The following DCAF5 variants were observed in gnomAD, a reference collection of about 807,000 sequenced individuals.
DCAF5 encodes the protein DDB1 and CUL4 associated factor 5.
Under a neutral mutation model 80.7 loss-of-function variants are expected in DCAF5, and 9 were observed. The observed-to-expected ratio is 0.11, with a 90% CI of 0.07 to 0.19. The LOEUF is 0.19. Ranked by LOEUF, DCAF5 falls within the 10% of genes least tolerant of loss-of-function variation. The pLI is 1.00. For synonymous variants in DCAF5, 433 were observed against 461.9 expected (o/e 0.94, Z 0.80); for missense variants, 842 against 1,205.7 (o/e 0.70, Z 4.47).
At chr14:69,139,230 T>C (rs1385027902) in intron 1 of DCAF5, among the ~76,000 whole-genome samples, 1 of 151,740 alleles carries the variant, frequency 6.6e-6, no homozygotes, top group Non-Finnish European at 1.5e-5. Context: ...TTCACACTTG[T>C]AATCCCAACA....
intron 5 of DCAF5, among the ~76,000 whole-genome samples, chr14:69,113,933 T>C (rs2040455838): frequency 6.6e-6 from 1 of 152,204 alleles, no homozygotes; most frequent in Non-Finnish European, 1.5e-5. Flanking sequence ...AAATTAGTCA[T>C]GATTGTCAAT....
chr14:69,132,255 A>G (rs181978601), intron 1 of DCAF5, among the ~76,000 whole-genome samples: 21 of 152,198 alleles, frequency 1.4e-4, no homozygotes, highest in African/African-American at 5.1e-4. Flanking sequence ...TTATATTCTC[A>G]CCAACAACGT....
intron 5 of DCAF5, among the ~76,000 whole-genome samples, chr14:69,105,920 T>C (rs1445409495): frequency 1.4e-5 from 1 of 72,746 alleles, no homozygotes; most frequent in African/African-American, 6.3e-5. Context: ...CTGTCATATA[T>C]ATATATATAT....
chr14:69,090,473 T>C (rs2039492027), intron 6 of DCAF5: 3 of 152,330 alleles, frequency 2.0e-5, no homozygotes, highest in Non-Finnish European at 4.4e-5. Context: ...TTTGGATATA[T>C]AGTCTCTATT....
At chr14:69,079,775 G>C (rs1384911543) in intron 6 of DCAF5, among the ~76,000 whole-genome samples, 2 of 151,982 alleles carry the variant, frequency 1.3e-5, no homozygotes, top group Non-Finnish European at 1.5e-5. Flanking sequence ...CCATTAATGG[G>C]AAGAGGAAAA....
In DCAF5 at chr14:69,117,163, G is replaced by A. The variant is rs746100205; in HGVS notation, c.536-668C>T. 7.2e-5 allele frequency among the ~76,000 whole-genome samples: 11 copies of A among 152,262 alleles called. No homozygotes were observed. In the East Asian group the frequency reaches 9.6e-4, roughly 13 times the overall value. ...AGTAATACAAAGAAAGCACTTCTCA[G>A]TCTATGACCTCCATATGCAGTATTT... On this transcript the variant is annotated intron_variant, in intron 4 of 8. Transcript: ENST00000341516.
chr14:69,054,906 T>C lies in DCAF5; in HGVS notation c.1780A>G (p.Thr594Ala), dbSNP rs1287640216. Reference sequence around the variant, plus strand: ...GGGGCACTGGGCTTGTCTTCTCGGGTTGTCTTCTGTCGGCGCCGCATGGCA... The same window carrying C: ...GGGGCACTGGGCTTGTCTTCTCGGGCTGTCTTCTGTCGGCGCCGCATGGCA... Reference protein sequence around the residue: ...RNAMRRRQKTTREDKPSAPIK... With the variant: ...RNAMRRRQKTAREDKPSAPIK... Residue 594 changes from threonine (T) to alanine (A), a missense_variant, in exon 9 of 9, where the codon ACC becomes GCC. By Grantham distance (58) the Thr-to-Ala change is moderately conservative. This residue lies in a region of DCAF5 where 607 missense variants were observed against 656.6 expected (regional missense o/e 0.92). Transcript: ENST00000341516. 1 of 1,614,128 alleles carries C rather than the reference T, an allele frequency of 6.2e-7. No individual in the cohort carries two copies. The highest frequency in any genetic ancestry group is 8.5e-7 in the Non-Finnish European group (1 of 1,180,012).
intron 5 of DCAF5, among the ~76,000 whole-genome samples, chr14:69,099,723 G>A (rs553458669): frequency 6.6e-6 from 1 of 152,176 alleles, no homozygotes; most frequent in African/African-American, 2.4e-5. Flanking sequence ...CAAGAGAATT[G>A]CTTGAGCTTA....
At chr14:69,128,723 G>A (rs1396982402) in intron 1 of DCAF5, among the ~76,000 whole-genome samples, 1 of 152,012 alleles carries the variant, frequency 6.6e-6, no homozygotes, top group Non-Finnish European at 1.5e-5. Context: ...AGCAGAGATC[G>A]TGCCACAGCA....
chr14:69,081,071 T>G (rs1357950547), intron 6 of DCAF5, among the ~76,000 whole-genome samples: 1 of 151,394 alleles, frequency 6.6e-6, no homozygotes, highest in African/African-American at 2.4e-5. Flanking sequence ...TTTAAAAGAA[T>G]ATAAGAAAAA....
chr14:69,067,479 G>T (rs548216301), intron 7 of DCAF5, among the ~76,000 whole-genome samples: 1 of 151,558 alleles, frequency 6.6e-6, no homozygotes, highest in African/African-American at 2.4e-5. Context: ...TAGTAGCTGA[G>T]ACTATAGGGA....
intron 7 of DCAF5, among the ~76,000 whole-genome samples, chr14:69,068,359 T>C (rs758248841): frequency 6.6e-6 from 1 of 152,208 alleles, no homozygotes; most frequent in Non-Finnish European, 1.5e-5. Flanking sequence ...GGTAAGTAGA[T>C]TTAAGACAAT....
intron 1 of DCAF5, among the ~76,000 whole-genome samples, chr14:69,132,946 T>C (rs1189274990): frequency 6.6e-6 from 1 of 152,220 alleles, no homozygotes. Flanking sequence ...TATTTCACAG[T>C]GTTACTGTTA....
At chr14:69,111,458 CTCTT>C (rs1388628435) in intron 5 of DCAF5, among the ~76,000 whole-genome samples, 15 of 152,170 alleles carry the variant, frequency 9.9e-5, no homozygotes, top group African/African-American at 3.6e-4. Context: ...AAAAACCACT[CTCTT>C]TATTATCCTT....
rs148204424 is a variant in DCAF5, at chr14:69,053,942, C to T, written c.2744G>A (p.Gly915Asp). The change falls in exon 9 of 9, where the codon GGC becomes GAC. Residue 915 changes from glycine (G) to aspartate (D), a missense_variant. Transcript: ENST00000341516. ...PATDSSRAVHGHSGLKRQRIE... is the reference protein window; with the variant it reads ...PATDSSRAVHDHSGLKRQRIE... Reference sequence around the variant, plus strand: ...TCGTTGCCTTTTGAGGCCACTGTGGCCATGAACAGCCCTGCTACTATCTGT... The same window carrying T: ...TCGTTGCCTTTTGAGGCCACTGTGGTCATGAACAGCCCTGCTACTATCTGT... 14 of 1,612,758 alleles carry T rather than the reference C, an allele frequency of 8.7e-6. No individual in the cohort carries two copies. The African/African-American group carries it at 1.7e-4, about 20-fold the overall frequency.
intron 1 of DCAF5, among the ~76,000 whole-genome samples, chr14:69,130,765 T>C (rs1454827567): frequency 6.6e-6 from 1 of 152,212 alleles, no homozygotes; most frequent in Non-Finnish European, 1.5e-5. Flanking sequence ...ACAATGGGAT[T>C]AGATACAGAG....
At chr14:69,137,387 C>G (rs2041227618) in intron 1 of DCAF5, among the ~76,000 whole-genome samples, 1 of 152,188 alleles carries the variant, frequency 6.6e-6, no homozygotes, top group Non-Finnish European at 1.5e-5. Flanking sequence ...ACAATATGCT[C>G]TCCTGATTAT....
intron 5 of DCAF5, among the ~76,000 whole-genome samples, chr14:69,099,914 GAATAA>G (rs2039890885): frequency 6.6e-6 from 1 of 151,018 alleles, no homozygotes; most frequent in Non-Finnish European, 1.5e-5. Flanking sequence ...CTGTCTCAAA[GAATAA>G]AATAACATTA....
At chr14:69,058,182 C>T (rs1425119028) in intron 8 of DCAF5, among the ~76,000 whole-genome samples, 1 of 152,086 alleles carries the variant, frequency 6.6e-6, no homozygotes, top group Non-Finnish European at 1.5e-5. Context: ...GGAAAGTTAA[C>T]AACTCAGAAG....
Sources: allele counts gnomAD v4.1 joint callset (sites outside exome capture counted in the v4.1 genomes callset), GRCh38; gene constraint gnomAD v4.1.1; regional missense constraint gnomAD v4.1.1; transcripts MANE v1.5; gene names NCBI Gene and HGNC (gene_info 2026-07-23, HGNC 2026-07-21).